The following ADAM9 variants were observed in gnomAD, a reference collection of about 807,000 sequenced individuals.
The protein encoded by ADAM9 is disintegrin and metalloproteinase domain-containing protein 9.
ADAM9 carries 54 observed loss-of-function variants against 108.1 expected under a neutral mutation model. The observed-to-expected ratio is 0.50, with a 90% CI of 0.40 to 0.63. ADAM9 has a LOEUF of 0.63. Among genes scored for constraint, ADAM9 ranks in the 20% least tolerant of loss-of-function variants. The probability of loss-of-function intolerance (pLI) is 0.00; values close to 1 mark genes in which losing one functional copy is unlikely to be tolerated. For missense variants in ADAM9, 830 were observed against 997.7 expected (o/e 0.83, Z 2.26); for synonymous variants, 316 against 336.0 (o/e 0.94, Z 0.65).
chr8:39,018,792 T>G (rs1186638319), intron 6 of ADAM9, 61 bp from the exon 7 acceptor site: 5 of 1,386,926 alleles, frequency 3.6e-6, no homozygotes, highest in Non-Finnish European at 5.1e-6. Context: ...GATGAGAGAT[T>G]AGGATGTGAT....
chr8:39,091,301 G>A lies in ADAM9; in HGVS notation c.2253G>A (p.Gly751=). The stretch of plus-strand genomic sequence containing the variant: ...AAGCAAACCCTTCTAGACAGCCGGG[G>A]AGTGTTCCTCGACATGTTTCTCCAG... ...KNQANPSRQP[G]SVPRHVSPVT... Residue 751 remains glycine, a synonymous_variant, in exon 20 of 22, where the codon GGG becomes GGA. Coordinates refer to ENST00000487273, the MANE Select transcript of ADAM9 (RefSeq NM_003816.3). 6.2e-7 allele frequency: 1 copy of A among 1,614,146 alleles called. No homozygotes were observed. Among genetic ancestry groups the A allele is most frequent in the Non-Finnish European group, 8.5e-7 (1 of 1,180,014 alleles).
chr8:39,052,955 T>A (rs890794515), intron 12 of ADAM9, among the ~76,000 whole-genome samples: 5 of 152,198 alleles, frequency 3.3e-5, no homozygotes, highest in Non-Finnish European at 5.9e-5. Context: ...CCATCCTTAG[T>A]GTATGGGAGT....
intron 5 of ADAM9, chr8:39,016,935 G>A (rs986730015): frequency 2.6e-5 from 11 of 420,908 alleles, no homozygotes; most frequent in East Asian, 1.5e-4. Context: ...CCTCTGGTCC[G>A]GATGCCACAT....
intron 14 of ADAM9, among the ~76,000 whole-genome samples, chr8:39,057,167 G>A (rs964422717): frequency 1.3e-5 from 2 of 151,990 alleles, no homozygotes; most frequent in African/African-American, 4.8e-5. Flanking sequence ...GCCTAGATGT[G>A]TAGTAGGCTA....
chr8:39,080,865 T>C (rs1838998950), intron 16 of ADAM9, among the ~76,000 whole-genome samples: 1 of 151,402 alleles, frequency 6.6e-6, no homozygotes, highest in South Asian at 2.1e-4. Flanking sequence ...ACTTGCTGCG[T>C]GGTGGTTGTT....
chr8:39,003,683 CT>C (rs1157600420), intron 1 of ADAM9, among the ~76,000 whole-genome samples: 9 of 152,126 alleles, frequency 5.9e-5, no homozygotes, highest in African/African-American at 2.2e-4. Context: ...TGTTTTGGAA[CT>C]TTTTATGGCA....
At position 39,045,140 on chromosome 8, in the gene ADAM9, A is replaced by G. The variant is rs572987405; in HGVS notation, c.1302+3023A>G. Among the ~76,000 whole-genome samples, 140 of 98,528 alleles carry G rather than the reference A, an allele frequency of 1.4e-3. 8 individuals carry two copies. The highest frequency in any genetic ancestry group is 8.4e-3 in the South Asian group (25 of 2,960). 64.6% of individuals were successfully genotyped at this position (98,528 alleles called of 152,430 possible). On this transcript the variant is annotated intron_variant, in intron 12 of 21. Coordinates refer to ENST00000487273, the MANE Select transcript of ADAM9 (RefSeq NM_003816.3). ...TATGTGTGTGTGCATACATACATATATGTGTATATATGTGTATACATACAT... is the reference window on the plus strand; with the variant it reads ...TATGTGTGTGTGCATACATACATATGTGTGTATATATGTGTATACATACAT...
intron 14 of ADAM9, among the ~76,000 whole-genome samples, chr8:39,060,752 G>A (rs1838273783): frequency 6.6e-6 from 1 of 152,152 alleles, no homozygotes; most frequent in African/African-American, 2.4e-5. Flanking sequence ...GATATTTTGT[G>A]GAAGGAAAAG....
chr8:39,006,590 A>G (rs909295158), intron 1 of ADAM9, among the ~76,000 whole-genome samples: 1 of 88,386 alleles, frequency 1.1e-5, no homozygotes, highest in African/African-American at 3.5e-5. Context: ...GGGTTAAGCC[A>G]TTGGTAATAA....
At chr8:39,085,799 T>C (rs1839164204) in intron 18 of ADAM9, among the ~76,000 whole-genome samples, 2 of 152,080 alleles carry the variant, frequency 1.3e-5, no homozygotes, top group South Asian at 4.1e-4. Flanking sequence ...CTTGGTGTAG[T>C]TGGGATTTTT....
In ADAM9 at chr8:39,017,291, C is replaced by G. The variant is rs767216866; in HGVS notation, c.483C>G (p.Ile161Met). 1.2e-6 allele frequency: 2 copies of G among 1,613,972 alleles called. No individual in the cohort carries two copies. The highest frequency in any genetic ancestry group is 2.7e-5 in the African/African-American group (2 of 74,914). The change falls in exon 6 of 22, where the codon ATC becomes ATG. Residue 161 changes from isoleucine (I) to methionine (M), a missense_variant. Around this residue, in one of 3 missense-constraint regions of ADAM9, gnomAD observed 211 missense variants for 222.2 expected, o/e 0.95. Coordinates refer to ENST00000487273, the MANE Select transcript of ADAM9 (RefSeq NM_003816.3). ...PLQNSSHFEH[I>M]IYRMDDVYKE... Reference sequence around the variant, plus strand: ...AGAACAGCTCTCATTTTGAGCACATCATTTATCGAATGGATGATGTCTACA... The same window carrying G: ...AGAACAGCTCTCATTTTGAGCACATGATTTATCGAATGGATGATGTCTACA...
chr8:39,027,909 AAAAT>A (rs1318741329), intron 11 of ADAM9, among the ~76,000 whole-genome samples: 2 of 152,146 alleles, frequency 1.3e-5, no homozygotes, highest in African/African-American at 4.8e-5. Context: ...TCTCTAAAAA[AAAAT>A]AAATAAATAA....
At chr8:39,035,182 GCTCACTGATTCTGT>G (rs972897880) in intron 11 of ADAM9, among the ~76,000 whole-genome samples, 4 of 151,902 alleles carry the variant, frequency 2.6e-5, no homozygotes, top group Non-Finnish European at 5.9e-5. Flanking sequence ...ATATCTTTCA[GCTCACTGATTCTGT>G]CTTCATATGT....
At chr8:39,084,628 C>G (rs1277635783) in intron 18 of ADAM9, among the ~76,000 whole-genome samples, 6 of 149,804 alleles carry the variant, frequency 4.0e-5, no homozygotes, top group Admixed American at 2.7e-4. Context: ...TGTGGTTTAT[C>G]TTAGTAAAAG....
chr8:39,035,375 A>T (rs551081730), intron 11 of ADAM9, among the ~76,000 whole-genome samples: 1 of 152,186 alleles, frequency 6.6e-6, no homozygotes, highest in African/African-American at 2.4e-5. Flanking sequence ...GTAAGCATAA[A>T]TGTCTTATGG....
intron 10 of ADAM9, among the ~76,000 whole-genome samples, chr8:39,026,278 C>G (rs952452530): frequency 6.6e-6 from 1 of 152,154 alleles, no homozygotes; most frequent in Admixed American, 6.6e-5. Flanking sequence ...CGACAGGCCC[C>G]GGTGTGTGAT....
chr8:39,098,416 A>C (rs746259392), intron 20 of ADAM9, among the ~76,000 whole-genome samples: 34 of 152,282 alleles, frequency 2.2e-4, no homozygotes, highest in Admixed American at 3.9e-4. Flanking sequence ...ACTTTTTACT[A>C]TCTCTGTTTC....
chr8:39,050,324 C>T (rs1211769698), intron 12 of ADAM9, among the ~76,000 whole-genome samples: 1 of 152,138 alleles, frequency 6.6e-6, no homozygotes, highest in African/African-American at 2.4e-5. Flanking sequence ...AAAATTTCAA[C>T]CACTACCTCT....
At chr8:39,075,633 A>G (rs1177266487) in intron 15 of ADAM9, among the ~76,000 whole-genome samples, 2 of 152,140 alleles carry the variant, frequency 1.3e-5, no homozygotes. Context: ...CTTTGTCTTA[A>G]TGATTTGTAA....
Sources: allele counts gnomAD v4.1 joint callset (sites outside exome capture counted in the v4.1 genomes callset), GRCh38; gene constraint gnomAD v4.1.1; regional missense constraint gnomAD v4.1.1; transcripts MANE v1.5; gene names NCBI Gene and HGNC (gene_info 2026-07-23, HGNC 2026-07-21).